Variants in DMD observed in about 807,000 individuals in gnomAD.
DMD encodes the protein dystrophin.
Under a neutral mutation model 330.1 loss-of-function variants are expected in DMD, and 63 were observed. That is an observed-to-expected ratio of 0.19 (90% CI 0.16 to 0.24). The LOEUF is 0.24. Among genes scored for constraint, DMD ranks in the 10% least tolerant of loss-of-function variants. The pLI, the probability that DMD is intolerant of heterozygous loss-of-function variation, is 1.00. For synonymous variants in DMD, 1,223 were observed against 959.8 expected (o/e 1.27, Z -5.07); for missense variants, 3,344 against 2,684.1 (o/e 1.25, Z -5.43).
At chrX:33,301,020 C>G (rs188969505) in intron 1 of DMD, among the ~76,000 whole-genome samples, 1 of 111,632 alleles carries the variant, frequency 9.0e-6, no homozygotes, top group Admixed American at 9.5e-5. Context: ...TAACAAGGTT[C>G]GATAAAGCAG....
chrX:31,493,653 T>G (rs919892910), intron 57 of DMD, among the ~76,000 whole-genome samples: 4 of 111,185 alleles, frequency 3.6e-5, no homozygotes, highest in African/African-American at 1.3e-4. Context: ...TCACCCTTGT[T>G]GAGGATTTTG....
At chrX:32,163,962 G>A (rs974522047) in intron 44 of DMD, among the ~76,000 whole-genome samples, 1 of 111,377 alleles carries the variant, frequency 9.0e-6, no homozygotes, top group African/African-American at 3.3e-5. Context: ...CGGATTTTCT[G>A]TTTCTTCTAC....
intron 52 of DMD, among the ~76,000 whole-genome samples, chrX:31,691,174 C>T (rs755377907): frequency 9.0e-6 from 1 of 110,653 alleles, no homozygotes; most frequent in Non-Finnish European, 1.9e-5. Context: ...GAGGGAGAGT[C>T]AAAGTGTTGA....
intron 55 of DMD, among the ~76,000 whole-genome samples, chrX:31,547,039 T>A (rs1207616186): frequency 1.8e-5 from 2 of 112,261 alleles, no homozygotes; most frequent in Admixed American, 9.4e-5. Context: ...ACAGAAAAAA[T>A]TATACTGCAG....
At chrX:33,139,696 C>T (rs1455994759) in intron 1 of DMD, among the ~76,000 whole-genome samples, 1 of 109,373 alleles carries the variant, frequency 9.1e-6, no homozygotes, top group Non-Finnish European at 1.9e-5. Flanking sequence ...CCCTTCATTT[C>T]CACCATGATT....
At chrX:32,776,292 C>CA (rs1557018853) in intron 7 of DMD, among the ~76,000 whole-genome samples, 13 of 107,833 alleles carry the variant, frequency 1.2e-4, no homozygotes, top group South Asian at 8.5e-4. Context: ...ACCCCCCCCC[C>CA]AAATTGTTCC....
rs1320065350 is a variant in DMD, at chrX:33,317,500, C to A, written c.7+21759G>T. ...TTTATGCTAAATATGGCATAACAAC[C>A]AAATAACTCCTTTTATTTAGATTCC... On this transcript the variant is annotated intron_variant, in intron 1 of 17. Transcript: ENST00000288447. Among the ~76,000 whole-genome samples, 5 of 111,173 alleles carry A rather than the reference C, an allele frequency of 4.5e-5. No individual in the cohort carries two copies. In the Admixed American group the frequency reaches 4.8e-4, roughly 11 times the overall value.
intron 2 of DMD, among the ~76,000 whole-genome samples, chrX:32,946,667 T>G (rs2090837138): frequency 8.9e-6 from 1 of 112,504 alleles, no homozygotes; most frequent in Non-Finnish European, 1.9e-5. Flanking sequence ...TGATGTGTTG[T>G]TGCAAACATA....
At chrX:32,298,568 T>C (rs1019473064) in intron 42 of DMD, among the ~76,000 whole-genome samples, 1 of 109,756 alleles carries the variant, frequency 9.1e-6, no homozygotes, top group African/African-American at 3.4e-5. Flanking sequence ...GATATAAATT[T>C]GAGAGTCACT....
In DMD at chrX:32,362,931, G is replaced by A. The variant is rs34102501; in HGVS notation, c.5182C>T (p.Arg1728Cys). Residue 1728 changes from arginine (R) to cysteine (C), a missense_variant, in exon 37 of 79, where the codon CGC (arginine) becomes TGC (cysteine). Arg to Cys is a radical substitution (Grantham distance 180, BLOSUM62 -3). Coordinates refer to ENST00000357033, the MANE Select transcript of DMD (RefSeq NM_004006.3). ...TCACGTGTAGAGTCCACCTTTGGGC[G>A]TATGTCATTCAGTTCTGCCTTTAAA... is the stretch of plus-strand genomic sequence containing the variant. ...KRLKAELNDIRPKVDSTRDQA... is the reference protein window; with the variant it reads ...KRLKAELNDICPKVDSTRDQA... 5.5e-4 allele frequency: 664 copies of A among 1,208,526 alleles called. 5 individuals carry two copies. The African/African-American group carries it at 9.8e-3, about 18-fold the overall frequency.
chrX:33,327,883 G>A (rs750149870), intron 1 of DMD, among the ~76,000 whole-genome samples: 7 of 111,837 alleles, frequency 6.3e-5, no homozygotes, highest in African/African-American at 1.9e-4. Context: ...ACATTTTGGC[G>A]GGGGTTGTTC....
intron 67 of DMD, 91 bp from the exon 68 acceptor site, chrX:31,182,995 T>C: frequency 1.3e-6 from 1 of 776,758 alleles, no homozygotes; most frequent in South Asian, 2.5e-5. Context: ...GTTCGATTAA[T>C]AAGTTAAACA....
At chrX:32,032,019 ATTATCTGTGT>A (rs1285644735) in intron 44 of DMD, among the ~76,000 whole-genome samples, 1 of 111,593 alleles carries the variant, frequency 9.0e-6, no homozygotes, top group Non-Finnish European at 1.9e-5. Context: ...TAACGCCAAT[ATTATCTGTGT>A]TCAATGCATT....
intron 1 of DMD, among the ~76,000 whole-genome samples, chrX:33,104,636 C>T (rs747232260): frequency 2.2e-4 from 25 of 111,309 alleles, no homozygotes; most frequent in African/African-American, 7.8e-4. Context: ...CCCACCTGCA[C>T]CCAGGTGAAA....
chrX:32,779,427 G>A (rs1210697962), intron 7 of DMD, among the ~76,000 whole-genome samples: 1 of 110,337 alleles, frequency 9.1e-6, no homozygotes, highest in African/African-American at 3.3e-5. Context: ...TTTTTAAAAT[G>A]TTTAATAAAT....
chrX:32,866,357 G>T (rs763158600), intron 2 of DMD, among the ~76,000 whole-genome samples: 7 of 112,086 alleles, frequency 6.2e-5, no homozygotes, highest in Non-Finnish European at 1.1e-4. Context: ...TTTCAAGGTG[G>T]CTTATTACAC....
intron 52 of DMD, among the ~76,000 whole-genome samples, chrX:31,683,680 C>G (rs2082513662): frequency 9.0e-6 from 1 of 111,579 alleles, no homozygotes; most frequent in Non-Finnish European, 1.9e-5. Flanking sequence ...AAATAAAACA[C>G]AAAGAGCAAA....
At chrX:32,021,145 A>ACAT (rs1341999310) in intron 44 of DMD, among the ~76,000 whole-genome samples, 3 of 112,486 alleles carry the variant, frequency 2.7e-5, no homozygotes, top group Non-Finnish European at 5.6e-5. Context: ...ATGAACAAAA[A>ACAT]CATAAAAACA....
At chrX:32,381,269 T>C (rs1251758448) in intron 33 of DMD, among the ~76,000 whole-genome samples, 1 of 111,521 alleles carries the variant, frequency 9.0e-6, no homozygotes, top group Non-Finnish European at 1.9e-5. Context: ...TGCCATCCAA[T>C]AGGGACAAAA....
Sources: gnomAD v4.1 joint callset for allele counts (sites outside exome capture counted in the v4.1 genomes callset) on GRCh38, gnomAD v4.1.1 for gene constraint, MANE v1.5 for transcripts, NCBI Gene and HGNC (gene_info 2026-07-23, HGNC 2026-07-21) for gene names.